STK39: variants seen among roughly 807,000 people sequenced by gnomAD.
The protein encoded by STK39 is STE20/SPS1-related proline-alanine-rich protein kinase.
Under a neutral mutation model 77.8 loss-of-function variants are expected in STK39, and 20 were observed. The ratio of observed to expected loss-of-function variants is 0.26; its 90% CI spans 0.18 to 0.37. The LOEUF (loss-of-function observed/expected upper bound fraction) is 0.37. Among genes scored for constraint, STK39 ranks in the 10% least tolerant of loss-of-function variants. The pLI is 1.00. For synonymous variants in STK39, 246 were observed against 234.1 expected (o/e 1.05, Z -0.47); for missense variants, 479 against 656.5 (o/e 0.73, Z 2.95).
At chr2:168,050,247 G>A (rs948863153) in intron 14 of STK39, among the ~76,000 whole-genome samples, 2 of 152,146 alleles carry the variant, frequency 1.3e-5, no homozygotes, top group Admixed American at 6.6e-5. Flanking sequence ...ATCAGGCCCT[G>A]TAATACCAAG....
intron 10 of STK39, 120 bp downstream of exon 10, chr2:168,129,421 T>G: frequency 2.0e-5 from 21 of 1,067,516 alleles, no homozygotes; most frequent in South Asian, 3.1e-5. Context: ...TAATCACTAA[T>G]GAGATATAGC....
At chr2:168,178,287 T>C (rs1689001696) in intron 2 of STK39, among the ~76,000 whole-genome samples, 1 of 152,156 alleles carries the variant, frequency 6.6e-6, no homozygotes, top group Non-Finnish European at 1.5e-5. Flanking sequence ...CCTTGGCTCC[T>C]GGAAAACTAA....
At chr2:168,123,134 C>T (rs955066363) in intron 10 of STK39, among the ~76,000 whole-genome samples, 2 of 152,148 alleles carry the variant, frequency 1.3e-5, no homozygotes, top group Non-Finnish European at 2.9e-5. Context: ...AGAAATATCA[C>T]ACAGACCTAA....
At chr2:168,078,851 G>T (rs555913320) in intron 10 of STK39, among the ~76,000 whole-genome samples, 36 of 151,596 alleles carry the variant, frequency 2.4e-4, no homozygotes, top group East Asian at 3.9e-4. Flanking sequence ...TTACCCCTTC[G>T]GTGGGAATCC....
chr2:168,176,671 C>T (rs1688963310), intron 2 of STK39, among the ~76,000 whole-genome samples: 1 of 151,968 alleles, frequency 6.6e-6, no homozygotes, highest in African/African-American at 2.4e-5. Context: ...TGAGTTAGAC[C>T]AAAATCCCTA....
intron 1 of STK39, among the ~76,000 whole-genome samples, chr2:168,233,354 T>C (rs1248547137): frequency 6.6e-6 from 1 of 152,216 alleles, no homozygotes; most frequent in Non-Finnish European, 1.5e-5. Flanking sequence ...ACAGCTCCGG[T>C]CACTCAAGGG....
At chr2:167,972,931 G>A (rs569872992) in intron 16 of STK39, among the ~76,000 whole-genome samples, 16 of 152,194 alleles carry the variant, frequency 1.1e-4, no homozygotes, top group Non-Finnish European at 2.2e-4. Flanking sequence ...CAGCTGTTTT[G>A]CCTTCCAGCT....
intron 16 of STK39, among the ~76,000 whole-genome samples, chr2:167,994,733 A>G (rs899936655): frequency 6.6e-6 from 1 of 152,214 alleles, no homozygotes; most frequent in Non-Finnish European, 1.5e-5. Context: ...CACTTAGCAT[A>G]ATGCTTTCGA....
chr2:167,991,465 G>C (rs4667545), intron 16 of STK39, among the ~76,000 whole-genome samples: 61,067 of 151,928 alleles, frequency 0.4, 13,039 homozygotes, highest in African/African-American at 0.49. Flanking sequence ...CCTAGAGTTG[G>C]GTTAATGGGA....
intron 13 of STK39, among the ~76,000 whole-genome samples, chr2:168,063,788 A>G (rs1685725178): frequency 6.6e-6 from 1 of 152,330 alleles, no homozygotes; most frequent in Non-Finnish European, 1.5e-5. Context: ...TTTCATATGG[A>G]AAGCCTCAGT....
intron 10 of STK39, among the ~76,000 whole-genome samples, chr2:168,102,732 T>A (rs750915925): frequency 7.0e-4 from 107 of 152,016 alleles, no homozygotes; most frequent in Admixed American, 1.7e-3. Context: ...GATTGAGACC[T>A]TCCTGGCTAA....
chr2:168,068,839 T>A (rs1386670513), intron 12 of STK39, among the ~76,000 whole-genome samples: 5 of 152,112 alleles, frequency 3.3e-5, no homozygotes, highest in Admixed American at 3.3e-4. Context: ...AGAAGTTAAA[T>A]CTCTCTCTCC....
At chr2:168,121,401 T>C (rs1687402189) in intron 10 of STK39, among the ~76,000 whole-genome samples, 1 of 152,202 alleles carries the variant, frequency 6.6e-6, no homozygotes, top group African/African-American at 2.4e-5. Flanking sequence ...TCACTACTCT[T>C]AGGCTCTTCA....
intron 14 of STK39, among the ~76,000 whole-genome samples, chr2:168,018,538 A>AAAAGAAAGGAAAGAAAG: frequency 1.2e-5 from 1 of 85,430 alleles, no homozygotes; most frequent in East Asian, 3.0e-4. Flanking sequence ...GAAAAGAAAG[A>AAAAGAAAGGAAAGAAAG]AAAGAAAGAA....
intron 17 of STK39, among the ~76,000 whole-genome samples, chr2:167,959,195 T>C (rs1275524050): frequency 6.6e-6 from 1 of 151,420 alleles, no homozygotes; most frequent in Non-Finnish European, 1.5e-5. Flanking sequence ...CTCGGCTCAC[T>C]GCAACCTCCG....
intron 16 of STK39, among the ~76,000 whole-genome samples, chr2:167,969,095 A>G (rs1692247948): frequency 6.6e-6 from 1 of 152,248 alleles, no homozygotes; most frequent in Non-Finnish European, 1.5e-5. Flanking sequence ...TCATTGGTGA[A>G]ATGAAGATAT....
intron 8 of STK39, among the ~76,000 whole-genome samples, chr2:168,136,801 T>C (rs1423476385): frequency 1.3e-5 from 2 of 152,162 alleles, no homozygotes; most frequent in Non-Finnish European, 2.9e-5. Context: ...GTTGAAGAAA[T>C]AATCTCAATG....
At chr2:167,996,251 T>C (rs189843511) in intron 16 of STK39, among the ~76,000 whole-genome samples, 55 of 152,302 alleles carry the variant, frequency 3.6e-4, no homozygotes, top group African/African-American at 1.3e-3. Flanking sequence ...TTAAAAAATG[T>C]CTCTATTTTC....
Position 168,048,505 on chromosome 2 carries a change from C to A in STK39, c.1376+14995G>T, listed in dbSNP as rs573645038. On this transcript the variant is annotated intron_variant, in intron 14 of 17. Coordinates refer to ENST00000355999, the MANE Select transcript of STK39 (RefSeq NM_013233.3). The stretch of plus-strand genomic sequence containing the variant: ...GGGATTACAGGTGTGAGCCACCGCG[C>A]CCGGCCCGGCCCGGCCTATGCTTTT... Among the ~76,000 whole-genome samples, 5 of 151,934 alleles carry A rather than the reference C, an allele frequency of 3.3e-5. No individual in the cohort carries two copies. In the East Asian group the frequency reaches 7.8e-4, roughly 24 times the overall value.
Sources: gnomAD v4.1 joint callset for allele counts (sites outside exome capture counted in the v4.1 genomes callset) on GRCh38, gnomAD v4.1.1 for gene constraint, MANE v1.5 for transcripts, NCBI Gene and HGNC (gene_info 2026-07-23, HGNC 2026-07-21) for gene names.